GPC4: variants seen among roughly 807,000 people sequenced by gnomAD.
GPC4 encodes glypican 4, also known as glypican-4.
In GPC4, 10 loss-of-function variants were observed where a neutral mutation model predicts 35.0. That is an observed-to-expected ratio of 0.29 (90% confidence interval 0.18 to 0.48). The LOEUF is 0.48. Ranked by LOEUF, GPC4 falls within the 20% of genes least tolerant of loss-of-function variation. GPC4 has a pLI of 0.99. For missense variants in GPC4, 322 were observed against 451.3 expected (o/e 0.71, Z 2.60); for synonymous variants, 167 against 170.2 (o/e 0.98, Z 0.15).
At chrX:133,366,935 G>C (rs1256420222) in intron 1 of GPC4, among the ~76,000 whole-genome samples, 1 of 111,395 alleles carries the variant, frequency 9.0e-6, no homozygotes, top group African/African-American at 3.3e-5. Context: ...GTTGTATAGG[G>C]TGTAACCTTT....
intron 4 of GPC4, among the ~76,000 whole-genome samples, chrX:133,307,598 T>C (rs1258653992): frequency 8.9e-6 from 1 of 111,934 alleles, no homozygotes; most frequent in Admixed American, 9.5e-5. Flanking sequence ...AAAAATGCTT[T>C]TGATGTGCTA....
chrX:133,406,747 C>CAAA (rs56973194), intron 1 of GPC4, among the ~76,000 whole-genome samples: 5 of 38,290 alleles, frequency 1.3e-4, no homozygotes, highest in East Asian at 1.6e-3. Context: ...GACTTCGTCT[C>CAAA]AAAAAAAAAA....
rs908802906 is a variant in GPC4 at position 133,307,958 on chromosome X, TAC to T, written c.878-1806_878-1805del. Among the ~76,000 whole-genome samples the T allele has an allele frequency of 5.4e-5, 6 of 112,000 alleles. 1 individual carries two copies. The South Asian group carries it at 1.5e-3, about 28-fold the overall frequency. On this transcript the variant is annotated intron_variant, in intron 4 of 8. Transcript: ENST00000370828. ...TTGTAAACTCTGAGCCAGCCGGCTA[TAC>T]ACAAGAGCCTGGGAATGGAGGGGGA...
At position 133,315,126 on chromosome X, in the gene GPC4, AT is replaced by A. The variant is rs2068331848; in HGVS notation, c.712-3704del. The stretch of plus-strand genomic sequence containing the variant: ...TGTTTGGGTTTTTTTTTTTTTTTGG[AT>A]TTTGGAATATTTGCATTATAATTAT... On this transcript the variant is annotated intron_variant, in intron 3 of 8. Coordinates refer to ENST00000370828, the MANE Select transcript of GPC4 (RefSeq NM_001448.3). Among the ~76,000 whole-genome samples the A allele has an allele frequency of 6.2e-5, 6 of 96,218 alleles. No individual in the cohort carries two copies. In the South Asian group the frequency reaches 2.9e-3, roughly 46 times the overall value. 83.6% of individuals were successfully genotyped at this position (96,218 alleles called of 115,157 possible). A position where few individuals can be genotyped will look rare whatever the true frequency, so the allele number is the denominator to read the frequency against.
At chrX:133,393,496 A>C (rs1478415007) in intron 1 of GPC4, among the ~76,000 whole-genome samples, 8 of 94,594 alleles carry the variant, frequency 8.5e-5, no homozygotes, top group African/African-American at 3.0e-4. Flanking sequence ...TTAGAGAGAG[A>C]AAAAAAAAAA....
At chrX:133,345,031 A>C (rs1328372550) in intron 1 of GPC4, among the ~76,000 whole-genome samples, 1 of 112,575 alleles carries the variant, frequency 8.9e-6, no homozygotes, top group Admixed American at 9.4e-5. Context: ...GCCTCACTTG[A>C]GTTATGAAGA....
intron 1 of GPC4, among the ~76,000 whole-genome samples, chrX:133,399,728 C>T (rs995654195): frequency 4.5e-5 from 5 of 112,219 alleles, no homozygotes; most frequent in African/African-American, 1.3e-4. Flanking sequence ...CAGCCAGGCT[C>T]GGTGGCTCAC....
chrX:133,372,566 CAACT>C (rs1416007511), intron 1 of GPC4, among the ~76,000 whole-genome samples: 3 of 111,576 alleles, frequency 2.7e-5, no homozygotes, highest in Non-Finnish European at 5.6e-5. Context: ...AGGTTAAACT[CAACT>C]AATACCTCAT....
intron 1 of GPC4, among the ~76,000 whole-genome samples, chrX:133,384,043 C>T (rs2068676451): frequency 9.0e-6 from 1 of 111,516 alleles, no homozygotes; most frequent in Admixed American, 9.5e-5. Context: ...GAATTTTCTT[C>T]AGGGAACTGG....
chrX:133,404,546 CAAAA>C (rs766777711), intron 1 of GPC4, among the ~76,000 whole-genome samples: 4 of 37,374 alleles, frequency 1.1e-4, no homozygotes, highest in African/African-American at 1.7e-4. Flanking sequence ...GACTCTGCCT[CAAAA>C]AAAAAAAAAA....
intron 1 of GPC4, among the ~76,000 whole-genome samples, chrX:133,347,042 C>A (rs1379153488): frequency 3.6e-5 from 4 of 110,210 alleles, no homozygotes; most frequent in African/African-American, 1.3e-4. Context: ...AACTATATCC[C>A]AATAAGACAG....
At chrX:133,394,654 A>G (rs911156571) in intron 1 of GPC4, among the ~76,000 whole-genome samples, 5 of 111,505 alleles carry the variant, frequency 4.5e-5, no homozygotes, top group African/African-American at 1.3e-4. Context: ...TATTATTGTC[A>G]TCATGGTGTT....
intron 1 of GPC4, among the ~76,000 whole-genome samples, chrX:133,340,619 A>T (rs992476526): frequency 1.8e-5 from 2 of 112,108 alleles, no homozygotes; most frequent in African/African-American, 3.2e-5. Context: ...TGAGCTGGCC[A>T]TTGCTGCTTC....
At chrX:133,319,423 G>GACA (rs1291969660) in intron 3 of GPC4, among the ~76,000 whole-genome samples, 6 of 74,366 alleles carry the variant, frequency 8.1e-5, no homozygotes, top group African/African-American at 3.5e-4. Flanking sequence ...CAGCCTGGGT[G>GACA]ACAGAGCAAG....
chrX:133,396,909 A>G (rs1230659237), intron 1 of GPC4, among the ~76,000 whole-genome samples: 1 of 112,022 alleles, frequency 8.9e-6, no homozygotes, highest in Non-Finnish European at 1.9e-5. Context: ...CTCTTTCCCT[A>G]TGTAGGTGTT....
chrX:133,398,172 A>AGCAAACTTGCCCCTTGCCT (rs1350310772), intron 1 of GPC4, among the ~76,000 whole-genome samples: 1 of 111,934 alleles, frequency 8.9e-6, no homozygotes, highest in African/African-American at 3.2e-5. Context: ...TTCATATTTA[A>AGCAAACTTGCCCCTTGCCT]GCAAACTTGC....
intron 2 of GPC4, among the ~76,000 whole-genome samples, chrX:133,330,490 G>A (rs1222563763): frequency 5.4e-5 from 6 of 111,290 alleles, no homozygotes; most frequent in Non-Finnish European, 9.4e-5. Context: ...CTCCTGTTTT[G>A]CTTTTTTGAT....
chrX:133,384,505 A>C (rs1229537330), intron 1 of GPC4, among the ~76,000 whole-genome samples: 1 of 111,631 alleles, frequency 9.0e-6, no homozygotes, highest in East Asian at 2.8e-4. Flanking sequence ...CAATTACCTG[A>C]GTAGGAGTGA....
chrX:133,348,185 C>A (rs2068501388), intron 1 of GPC4, among the ~76,000 whole-genome samples: 1 of 112,128 alleles, frequency 8.9e-6, no homozygotes, highest in Non-Finnish European at 1.9e-5. Flanking sequence ...AAATGATAAG[C>A]AAATTGTCAA....
Sources: allele counts gnomAD v4.1 joint callset (sites outside exome capture counted in the v4.1 genomes callset), GRCh38; gene constraint gnomAD v4.1.1; transcripts MANE v1.5; gene names NCBI Gene and HGNC (gene_info 2026-07-23, HGNC 2026-07-21).